The following KDM8 variants were observed in gnomAD, a reference collection of about 807,000 sequenced individuals.
The protein encoded by KDM8 is bifunctional peptidase and arginyl-hydroxylase JMJD5.
A neutral mutation model predicts 46.9 loss-of-function variants in KDM8; 35 were observed. The ratio of observed to expected loss-of-function variants is 0.75; its 90% CI spans 0.57 to 0.99. KDM8 has a LOEUF of 0.99. KDM8 is among the 50% of genes least tolerant of loss of function. The probability of loss-of-function intolerance (pLI) is 0.00; values close to 1 mark genes in which losing one functional copy is unlikely to be tolerated. For missense variants in KDM8, 475 were observed against 537.0 expected, an observed-to-expected ratio of 0.88 and a Z score of 1.14; for synonymous variants, 232 against 227.7, an observed-to-expected ratio of 1.02 and a Z score of -0.17.
rs747515132 is a variant in KDM8 at position 27,216,001 on chromosome 16, GC to G, written c.843+14del. ...AGCTCTTTGACCAGGTAAGTCTGAG[GC>G]CACGCACCTCTGCCCCTCACCGTCT... is the stretch of plus-strand genomic sequence containing the variant. On this transcript the variant is annotated intron_variant, in intron 5 of 7. Coordinates refer to ENST00000286096, the MANE Select transcript of KDM8 (RefSeq NM_024773.3). The G allele has an allele frequency of 6.2e-7, 1 of 1,614,108 alleles. No individual in the cohort carries two copies. The highest frequency in any genetic ancestry group is 8.5e-7 in the Non-Finnish European group (1 of 1,179,950).
Position 27,220,745 on chromosome 16 carries a change from G to A in KDM8, c.*15G>A. 5 of 1,613,996 alleles carry A rather than the reference G, an allele frequency of 3.1e-6. No individual in the cohort carries two copies. In the South Asian group the frequency reaches 3.3e-5, roughly 11 times the overall value. ...GGTGGTCGTAGCCAGGATAGGAGCT[G>A]AAAGGGCCTGACATGCAGACAGCAT... is the stretch of plus-strand genomic sequence containing the variant. On this transcript the variant is annotated 3_prime_UTR_variant, in exon 8 of 8. Coordinates refer to ENST00000286096, the MANE Select transcript of KDM8 (RefSeq NM_024773.3).
chr16:27,205,245 C>T (rs1224715960), intron 1 of KDM8, among the ~76,000 whole-genome samples: 1 of 152,074 alleles, frequency 6.6e-6, no homozygotes, highest in Admixed American at 6.6e-5. Context: ...AACAAGAAGG[C>T]TTTTATAAGA....
At chr16:27,213,254 T>A (rs1337520655) in intron 2 of KDM8, 1 of 229,472 alleles carries the variant, frequency 4.4e-6, no homozygotes. Flanking sequence ...TGTGTGTGTG[T>A]GTGTGTGTAA....
At chr16:27,214,071 G>A in intron 3 of KDM8, 1 of 215,550 alleles carries the variant, frequency 4.6e-6, no homozygotes, top group Non-Finnish European at 9.2e-6. Context: ...GGGCCCTGAA[G>A]CTAAGAGCAG....
chr16:27,204,225 TG>T, intron 1 of KDM8: 1 of 1,435,532 alleles, frequency 7.0e-7, no homozygotes, highest in South Asian at 1.4e-5. Context: ...TAAGGAAAGG[TG>T]CTTGTAGCTC....
chr16:27,211,121 CTTTTTTTTTT>C (rs370003010), intron 2 of KDM8: 2 of 404,708 alleles, frequency 4.9e-6, no homozygotes, highest in Admixed American at 2.8e-5. Flanking sequence ...CATTTTCTCT[CTTTTTTTTTT>C]TTTTTTTTGC....
intron 5 of KDM8, among the ~76,000 whole-genome samples, chr16:27,218,370 C>T (rs1004421253): frequency 2.0e-5 from 3 of 152,182 alleles, no homozygotes; most frequent in African/African-American, 7.2e-5. Context: ...TGATGTGTGG[C>T]ATATAACTCT....
chr16:27,216,840 G>A (rs1039637962), intron 5 of KDM8, among the ~76,000 whole-genome samples: 13 of 152,004 alleles, frequency 8.6e-5, no homozygotes, highest in Admixed American at 5.2e-4. Context: ...GTGTGATCCC[G>A]AGACCCACCT....
intron 1 of KDM8, chr16:27,204,445 T>C (rs1108029): frequency 0.83 from 819,173 of 988,116 alleles, 346,927 homozygotes; most frequent in East Asian, 1. Context: ...TTCCAAACTT[T>C]CCTGGGAAGT....
chr16:27,205,327 G>A (rs1167113419), intron 1 of KDM8, among the ~76,000 whole-genome samples: 1 of 152,110 alleles, frequency 6.6e-6, no homozygotes, highest in African/African-American at 2.4e-5. Context: ...CCTATATTCT[G>A]ACCTTCTTTG....
intron 2 of KDM8, chr16:27,211,301 A>G (rs1596647028): frequency 2.4e-6 from 1 of 418,418 alleles, no homozygotes; most frequent in South Asian, 1.7e-5. Context: ...GCGAGGCGAT[A>G]CCTCCAGCTG....
At chr16:27,213,563 G>T (rs1054269851) in intron 2 of KDM8, 22 bp from the exon 3 acceptor site, 1 of 1,611,660 alleles carries the variant, frequency 6.2e-7, no homozygotes, top group Non-Finnish European at 8.5e-7. Flanking sequence ...TTGCTATTTT[G>T]TTCTGTTTTG....
chr16:27,221,224 C>T lies in KDM8; in HGVS notation c.*494C>T. The stretch of plus-strand genomic sequence containing the variant: ...CCGAGAAGGCGGTGCCGAGCCCCTG[C>T]TGCTGCATGAACCTTAGCCGCTGTC... On this transcript the variant is annotated 3_prime_UTR_variant, in exon 8 of 8. Transcript: ENST00000286096. The T allele has an allele frequency of 3.4e-6, 1 of 293,142 alleles. No individual in the cohort carries two copies. Among genetic ancestry groups the T allele is most frequent in the Non-Finnish European group, 6.8e-6 (1 of 147,890 alleles). 18.2% of individuals were successfully genotyped at this position (293,142 alleles called of 1,614,324 possible).
At chr16:27,216,111 G>A in intron 5 of KDM8, 122 bp downstream of exon 5, 1 of 1,063,508 alleles carries the variant, frequency 9.4e-7, no homozygotes, top group African/African-American at 1.6e-5. Context: ...GTGAGGCTAG[G>A]AAGGTGACAG....
chr16:27,214,727 G>T (rs962221481), intron 3 of KDM8, 149 bp from the exon 4 acceptor site: 3 of 805,824 alleles, frequency 3.7e-6, no homozygotes, highest in Non-Finnish European at 6.0e-6. Context: ...TCTCCATGCC[G>T]GTTCCTCATC....
At chr16:27,208,417 C>T (rs1022065223) in intron 1 of KDM8, among the ~76,000 whole-genome samples, 1 of 152,168 alleles carries the variant, frequency 6.6e-6, no homozygotes, top group Non-Finnish European at 1.5e-5. Context: ...TTACAAAGCC[C>T]GTAATCTGCA....
At chr16:27,204,057 G>T (rs1274697495) in intron 1 of KDM8, 4 of 1,539,648 alleles carry the variant, frequency 2.6e-6, no homozygotes, top group African/African-American at 1.4e-5. Context: ...GGGCCGCAAG[G>T]CAGGCTGGAA....
At chr16:27,211,300 T>A in intron 2 of KDM8, 1 of 423,978 alleles carries the variant, frequency 2.4e-6, no homozygotes, top group Non-Finnish European at 4.7e-6. Flanking sequence ...GGCGAGGCGA[T>A]ACCTCCAGCT....
chr16:27,214,841 A>G (rs1168125761), intron 3 of KDM8, 35 bp from the exon 4 acceptor site: 5 of 1,612,930 alleles, frequency 3.1e-6, no homozygotes, highest in South Asian at 1.1e-5. Flanking sequence ...AACAGATATT[A>G]GCAGTGACGA....
Sources: allele counts gnomAD v4.1 joint callset (sites outside exome capture counted in the v4.1 genomes callset), GRCh38; gene constraint gnomAD v4.1.1; transcripts MANE v1.5; gene names NCBI Gene and HGNC (gene_info 2026-07-23, HGNC 2026-07-21).